Variants in MUC5B observed in about 807,000 individuals in gnomAD.
MUC5B encodes mucin-5B.
Under a neutral mutation model 376.9 loss-of-function variants are expected in MUC5B, and 116 were observed. The observed-to-expected ratio is 0.31, with a 90% CI of 0.26 to 0.36. MUC5B has a LOEUF of 0.36. Ranked by LOEUF, MUC5B falls within the 10% of genes least tolerant of loss-of-function variation. The probability of loss-of-function intolerance (pLI) is 1.00; values close to 1 mark genes in which losing one functional copy is unlikely to be tolerated. For missense variants in MUC5B, 7,165 were observed against 7,769.9 expected, an observed-to-expected ratio of 0.92 and a Z score of 2.93; for synonymous variants, 3,517 against 3,390.9, an observed-to-expected ratio of 1.04 and a Z score of -1.29.
intron 30 of MUC5B, 106 bp downstream of exon 30, chr11:1,240,481 C>A: frequency 1.9e-6 from 2 of 1,079,338 alleles, no homozygotes; most frequent in Non-Finnish European, 1.3e-6. Flanking sequence ...AGTCCCAATC[C>A]ACTGACCTTC....
Position 1,227,162 on chromosome 11 carries a change from G to GC in MUC5B, c.576+21dup. ...AGTGCCCTGGTGAGGAAGCCCCCTCGCCCCTTGCCCCTTCAGGCCTGGCCA... is the reference window on the plus strand; with the variant it reads ...AGTGCCCTGGTGAGGAAGCCCCCTCGCCCCCTTGCCCCTTCAGGCCTGGCCA... On this transcript the variant is annotated intron_variant, in intron 5 of 48. Transcript: ENST00000529681. The GC allele has an allele frequency of 6.3e-7, 1 of 1,596,868 alleles. No homozygotes were observed.
At chr11:1,251,816 G>T (rs1862708938) in intron 31 of MUC5B, 73 bp downstream of exon 31, 6 of 1,115,990 alleles carry the variant, frequency 5.4e-6, no homozygotes, top group Non-Finnish European at 7.7e-6. Context: ...CCTGTCCTGG[G>T]AGCCAGTGGC....
Position 1,250,449 on chromosome 11 carries a change from A to C in MUC5B, c.13569A>C (p.Thr4523=), listed in dbSNP as rs765163548. ...TATTPTATSF[T]AIPSSSLGTT... The stretch of plus-strand genomic sequence containing the variant: ...CCACACCCACAGCTACCAGCTTTAC[A>C]GCCATCCCCTCCTCCTCCCTGGGCA... The change falls in exon 31 of 49, where the codon ACA becomes ACC. Residue 4523 remains threonine, a synonymous_variant. Coordinates refer to ENST00000529681, the MANE Select transcript of MUC5B (RefSeq NM_002458.3). 1.9e-6 allele frequency: 3 copies of C among 1,592,732 alleles called. No homozygotes were observed. The highest frequency in any genetic ancestry group is 3.3e-5 in the Admixed American group (2 of 59,790).
At position 1,255,286 on chromosome 11, in the gene MUC5B, G is replaced by C; in HGVS notation, c.15890+20G>C. On this transcript the variant is annotated intron_variant, in intron 36 of 48. Coordinates refer to ENST00000529681, the MANE Select transcript of MUC5B (RefSeq NM_002458.3). ...GAGCCAGTGAGTCCTCCCCTCGGGGGTTGCAGGCCCTGGGGCGCCCCCGCC... is the reference window on the plus strand; with the variant it reads ...GAGCCAGTGAGTCCTCCCCTCGGGGCTTGCAGGCCCTGGGGCGCCCCCGCC... 1 of 1,508,044 alleles carries C rather than the reference G, an allele frequency of 6.6e-7. No homozygotes were observed. The highest frequency in any genetic ancestry group is 8.9e-7 in the Non-Finnish European group (1 of 1,121,322). 93.4% of individuals were successfully genotyped at this position (1,508,044 alleles called of 1,614,324 possible).
intron 23 of MUC5B, 68 bp downstream of exon 23, chr11:1,235,481 C>T (rs772373796): frequency 3.1e-5 from 42 of 1,369,218 alleles, no homozygotes; most frequent in African/African-American, 1.7e-4. Flanking sequence ...AGGGAAGCTT[C>T]GTGAGGCTTT....
rs572157756 is a variant in MUC5B, at chr11:1,257,368, G to A, written c.16269+97G>A. 6.2e-5 allele frequency: 55 copies of A among 882,212 alleles called. No individual in the cohort carries two copies. Among genetic ancestry groups the A allele is most frequent in the South Asian group, 4.3e-4 (32 of 74,304 alleles). 54.6% of individuals were successfully genotyped at this position (882,212 alleles called of 1,614,324 possible). A position where few individuals can be genotyped will look rare whatever the true frequency, so the allele number is the denominator to read the frequency against. On this transcript the variant is annotated intron_variant, in intron 40 of 48. Transcript: ENST00000529681. This position sits in a 1 kb window ranked among gnomAD's most constrained non-coding sequence, Gnocchi z 8.9. The stretch of plus-strand genomic sequence containing the variant: ...CCATCCCACAGGGCAGCTGTGGGGC[G>A]CCCGAGTGTGACGTGGACGTGCCAG...
At position 1,246,431 on chromosome 11, in the gene MUC5B, C is replaced by T. The variant is rs975498513; in HGVS notation, c.9551C>T (p.Ser3184Phe). The T allele has an allele frequency of 6.8e-6, 11 of 1,613,534 alleles. No individual in the cohort carries two copies. The highest frequency in any genetic ancestry group is 1.1e-5 in the South Asian group (1 of 91,058). Reference protein sequence around the residue: ...TVPTGSTATASSTRATAGTLK... With the variant: ...TVPTGSTATAFSTRATAGTLK... ...CCCACCGGATCCACGGCCACCGCCTCCTCCACCCGGGCAACTGCTGGCACC... is the reference window on the plus strand; with the variant it reads ...CCCACCGGATCCACGGCCACCGCCTTCTCCACCCGGGCAACTGCTGGCACC... Residue 3184 changes from serine (S) to phenylalanine (F), a missense_variant, in exon 31 of 49, where the codon TCC becomes TTC. This residue lies in a region of MUC5B where 939 missense variants were observed against 770.6 expected (regional missense o/e 1.22). Transcript: ENST00000529681.
rs1444930104 is a variant in MUC5B, at chr11:1,253,435, C to T, written c.15217+455C>T. On this transcript the variant is annotated intron_variant, in intron 33 of 48. Coordinates refer to ENST00000529681, the MANE Select transcript of MUC5B (RefSeq NM_002458.3). This position sits in a 1 kb window ranked among gnomAD's most constrained non-coding sequence, Gnocchi z 4.3. ...GGGAGCCCAGAGGAGCTTTTGTCTC[C>T]TGGGTCCTAACAGCGGCTTCCATCA... Among the ~76,000 whole-genome samples, 1 of 152,064 alleles carries T rather than the reference C, an allele frequency of 6.6e-6. No homozygotes were observed. The highest frequency in any genetic ancestry group is 1.5e-5 in the Non-Finnish European group (1 of 68,012).
intron 38 of MUC5B, 134 bp from the exon 39 acceptor site, chr11:1,256,537 G>A (rs1229311285): frequency 6.9e-5 from 11 of 158,404 alleles, no homozygotes; most frequent in Middle Eastern, 2.3e-3. Flanking sequence ...CCCCAGCCCC[G>A]CCCACCCTGA....
intron 25 of MUC5B, among the ~76,000 whole-genome samples, chr11:1,237,471 T>G (rs977161347): frequency 1.3e-5 from 2 of 152,194 alleles, no homozygotes; most frequent in Admixed American, 1.3e-4. Context: ...CCCTCCTCTA[T>G]GATCCCCAGA....
At chr11:1,231,711 G>T (rs1564933271) in intron 14 of MUC5B, among the ~76,000 whole-genome samples, 151 bp downstream of exon 14, 1 of 152,202 alleles carries the variant, frequency 6.6e-6, no homozygotes, top group Admixed American at 6.5e-5. Flanking sequence ...GCCAGCGCAG[G>T]ACACCAGCAT....
At position 1,244,099 on chromosome 11, in the gene MUC5B, T is replaced by A. The variant is rs775422852; in HGVS notation, c.7219T>A (p.Phe2407Ile). Residue 2407 changes from phenylalanine (F) to isoleucine (I), a missense_variant, in exon 31 of 49, where the codon TTC becomes ATC. Phe to Ile is a conservative substitution (Grantham distance 21). This residue lies in a region of MUC5B where 194 missense variants were observed against 268.5 expected (regional missense o/e 0.72). Transcript: ENST00000529681. ...KMCFNYEIRVFCCNYGHCPST... is the reference protein window; with the variant it reads ...KMCFNYEIRVICCNYGHCPST... ...GTGCTTCAACTATGAAATCCGTGTG[T>A]TCTGCTGCAACTACGGCCACTGCCC... The A allele has an allele frequency of 8.1e-6, 13 of 1,602,568 alleles. No homozygotes were observed. The highest frequency in any genetic ancestry group is 6.7e-5 in the Admixed American group (4 of 59,904).
At position 1,250,234 on chromosome 11, in the gene MUC5B, G is replaced by T; in HGVS notation, c.13354G>T (p.Glu4452Ter). The T allele has an allele frequency of 1.2e-6, 2 of 1,609,134 alleles. No individual in the cohort carries two copies. Among genetic ancestry groups the T allele is most frequent in the Non-Finnish European group, 1.7e-6 (2 of 1,176,786 alleles). Residue 4452 changes from glutamate to a stop codon, truncating the protein, a stop_gained, in exon 31 of 49, where the codon GAG becomes TAG. Transcript: ENST00000529681. LOFTEE classifies it high-confidence loss of function. ...STPGTTWILT[E>*]PSTTATVTVP... ...CCCAGGGACCACCTGGATCCTCACA[G>T]AGCCGAGCACTACAGCCACCGTGAC...
In MUC5B at chr11:1,258,907, C is replaced by T; in HGVS notation, c.16594-35C>T. ...AGGGGTCCTGGCCCTGTTGCCCCAC[C>T]AGTGCCCTCAGTGCCACCCTCCCAC... On this transcript the variant is annotated intron_variant, in intron 43 of 48. Coordinates refer to ENST00000529681, the MANE Select transcript of MUC5B (RefSeq NM_002458.3). The surrounding 1 kb of genome is among the most constrained non-coding windows in gnomAD (Gnocchi z 5.5). 1.3e-6 allele frequency: 2 copies of T among 1,549,178 alleles called. No homozygotes were observed. The highest frequency in any genetic ancestry group is 1.7e-6 in the Non-Finnish European group (2 of 1,146,564).
In MUC5B at chr11:1,244,300, G is replaced by A. The variant is rs202246386; in HGVS notation, c.7420G>A (p.Val2474Met). 104 of 1,605,870 alleles carry A rather than the reference G, an allele frequency of 6.5e-5. No individual in the cohort carries two copies. In the African/African-American group the frequency reaches 6.5e-4, roughly 10 times the overall value. ...ILTEPSTTAT[V>M]TVPTGSTATA... ...CACAGAGCCGAGCACTACAGCCACC[G>A]TGACGGTGCCCACCGGATCCACGGC... The change falls in exon 31 of 49, where the codon GTG becomes ATG. Residue 2474 changes from valine (V) to methionine (M), a missense_variant. Physicochemically the swap from Val to Met is conservative, Grantham distance 21. Around this residue, in one of 31 missense-constraint regions of MUC5B, gnomAD observed 194 missense variants for 268.5 expected, o/e 0.72. Transcript: ENST00000529681.
rs774242004 is a variant in MUC5B, at chr11:1,254,693, G to C, written c.15478-1G>C. The C allele has an allele frequency of 6.2e-7, 1 of 1,612,288 alleles. No homozygotes were observed. The stretch of plus-strand genomic sequence containing the variant: ...CTCAGGGTTCCCCTGGATTCCCCCA[G>C]ATCCTGTTTGACCAAATTCCGGTGA... On this transcript the variant is annotated splice_acceptor_variant, in intron 34 of 48. Coordinates refer to ENST00000529681, the MANE Select transcript of MUC5B (RefSeq NM_002458.3). LOFTEE classifies it high-confidence loss of function.
At chr11:1,228,192 C>T (rs1427529438) in intron 7 of MUC5B, among the ~76,000 whole-genome samples, 2 of 152,336 alleles carry the variant, frequency 1.3e-5, no homozygotes, top group East Asian at 1.9e-4. Flanking sequence ...GGCCCCGCAG[C>T]CGGCAGCCCT....
In MUC5B at chr11:1,249,535, C is replaced by T. The variant is rs773486745; in HGVS notation, c.12655C>T (p.Arg4219Cys). The change falls in exon 31 of 49, where the codon CGT (arginine) becomes TGT (cysteine). Residue 4219 changes from arginine to cysteine, a missense_variant. Physicochemically the swap from Arg to Cys is radical, Grantham distance 180. Coordinates refer to ENST00000529681, the MANE Select transcript of MUC5B (RefSeq NM_002458.3). ...CAAGATGTGCTTCAACTATGAAATC[C>T]GTGTGTTCTGCTGCAACTACGGCCA... ...KFKMCFNYEI[R>C]VFCCNYGHCP... The T allele has an allele frequency of 1.7e-5, 28 of 1,612,454 alleles. No homozygotes were observed. Among genetic ancestry groups the T allele is most frequent in the East Asian group, 2.2e-5 (1 of 44,888 alleles).
rs1431444377 is a variant in MUC5B, at chr11:1,247,968, G to A, written c.11088G>A (p.Leu3696=). The A allele has an allele frequency of 1.9e-6, 3 of 1,610,708 alleles. No individual in the cohort carries two copies. The highest frequency in any genetic ancestry group is 2.2e-5 in the South Asian group (2 of 90,990). ...TPGTTWILTK[L]TTTATTTEST... ...GGACGACCTGGATCCTCACAAAGCT[G>A]ACCACAACAGCCACTACGACTGAGT... Residue 3696 remains leucine, a synonymous_variant, in exon 31 of 49, where the codon CTG becomes CTA. Coordinates refer to ENST00000529681, the MANE Select transcript of MUC5B (RefSeq NM_002458.3).
Sources: gnomAD v4.1 joint callset for allele counts (sites outside exome capture counted in the v4.1 genomes callset) on GRCh38, gnomAD v4.1.1 for gene constraint, gnomAD v4.1.1 regional missense constraint, Gnocchi (gnomAD v3.1) non-coding constraint, MANE v1.5 for transcripts, NCBI Gene and HGNC (gene_info 2026-07-23, HGNC 2026-07-21) for gene names.